The following VPS13A variants were observed in gnomAD, a reference collection of about 807,000 sequenced individuals.
VPS13A encodes the protein intermembrane lipid transfer protein VPS13A.
A neutral mutation model predicts 390.9 loss-of-function variants in VPS13A; 264 were observed. That is an observed-to-expected ratio of 0.68 (90% CI 0.61 to 0.75). The LOEUF (loss-of-function observed/expected upper bound fraction) is 0.75. VPS13A is among the 30% of genes least tolerant of loss of function. The pLI is 0.00. For missense variants in VPS13A, 3,409 were observed against 3,733.9 expected, an observed-to-expected ratio of 0.91 and a Z score of 2.27; for synonymous variants, 1,231 against 1,227.1, an observed-to-expected ratio of 1.00 and a Z score of -0.07.
At chr9:77,353,237 A>T (rs1831568527) in intron 53 of VPS13A, among the ~76,000 whole-genome samples, 172 bp from the exon 54 acceptor site, 1 of 152,080 alleles carries the variant, frequency 6.6e-6, no homozygotes, top group Non-Finnish European at 1.5e-5. Context: ...TGATTTCAAT[A>T]ATGTAAATTT....
intron 34 of VPS13A, among the ~76,000 whole-genome samples, chr9:77,306,401 A>AGAGAGTGTGTGT (rs550279922): frequency 5.6e-5 from 6 of 107,696 alleles, no homozygotes; most frequent in African/African-American, 2.1e-4. Context: ...AGAGAGAGAG[A>AGAGAGTGTGTGT]GTGTGTGTGT....
At chr9:77,365,167 A>T (rs1212641776) in intron 59 of VPS13A, among the ~76,000 whole-genome samples, 1 of 152,216 alleles carries the variant, frequency 6.6e-6, no homozygotes, top group Non-Finnish European at 1.5e-5. Context: ...TACCCAAGAG[A>T]GTGTTGATGG....
At chr9:77,199,838 C>A in intron 1 of VPS13A, 107 bp from the exon 2 acceptor site, 1 of 860,284 alleles carries the variant, frequency 1.2e-6, no homozygotes, top group Non-Finnish European at 1.8e-6. Context: ...CTGTTATGCA[C>A]ATTATTTATA....
At chr9:77,207,335 T>G (rs1240109530) in intron 5 of VPS13A, among the ~76,000 whole-genome samples, 1 of 146,882 alleles carries the variant, frequency 6.8e-6, no homozygotes, top group Non-Finnish European at 1.5e-5. Context: ...CATTACATAT[T>G]TTAAACTCAT....
chr9:77,212,842 G>A, intron 7 of VPS13A, 127 bp from the exon 8 acceptor site: 1 of 946,716 alleles, frequency 1.1e-6, no homozygotes, highest in Non-Finnish European at 1.7e-6. Flanking sequence ...TTTTGATGGA[G>A]TGATATGTCT....
chr9:77,414,122 C>A (rs1835064767), intron 71 of VPS13A, among the ~76,000 whole-genome samples: 1 of 152,194 alleles, frequency 6.6e-6, no homozygotes, highest in Non-Finnish European at 1.5e-5. Context: ...GAAATAGGAA[C>A]ACTTTTATAC....
At chr9:77,399,181 TAAAAAAAAAAAAAA>T (rs1223344360) in intron 68 of VPS13A, among the ~76,000 whole-genome samples, 7 of 35,004 alleles carry the variant, frequency 2.0e-4, no homozygotes, top group East Asian at 8.3e-4. Context: ...AAAAAAAAAA[TAAAAAAAAAAAAAA>T]AAAAAAAAAA....
chr9:77,419,113 C>A lies in VPS13A; in HGVS notation c.*3107C>A, dbSNP rs1217949671. The stretch of plus-strand genomic sequence containing the variant: ...GGATGCTTTCATGGCTCAGCCAACA[C>A]AGTTCAGAGGAATCTTTTCGGCTTC... On this transcript the variant is annotated 3_prime_UTR_variant, in exon 72 of 72. Coordinates refer to ENST00000360280, the MANE Select transcript of VPS13A (RefSeq NM_033305.3). 6.6e-6 allele frequency: 1 copy of A among 152,176 alleles called. No individual in the cohort carries two copies. Among genetic ancestry groups the A allele is most frequent in the Non-Finnish European group, 1.5e-5 (1 of 68,040 alleles). The allele number at this position is 152,176 out of a possible 1,614,324, so 9.4% of individuals were successfully genotyped here. A position where few individuals can be genotyped will look rare whatever the true frequency, so the allele number is the denominator to read the frequency against.
At chr9:77,237,222 G>A (rs1047638641) in intron 17 of VPS13A, among the ~76,000 whole-genome samples, 2 of 151,988 alleles carry the variant, frequency 1.3e-5, no homozygotes, top group African/African-American at 4.8e-5. Context: ...TCTGTTTGCT[G>A]TATGCCCTTA....
intron 69 of VPS13A, among the ~76,000 whole-genome samples, chr9:77,404,671 G>A (rs1024449727): frequency 6.6e-6 from 1 of 152,208 alleles, no homozygotes; most frequent in Non-Finnish European, 1.5e-5. Flanking sequence ...ATGAGGCCAT[G>A]GTGCCTTGAC....
At position 77,394,480 on chromosome 9, in the gene VPS13A, G is replaced by C. The variant is rs143079710; in HGVS notation, c.9190-8756G>C. On this transcript the variant is annotated intron_variant, in intron 68 of 71. Coordinates refer to ENST00000360280, the MANE Select transcript of VPS13A (RefSeq NM_033305.3). ...GCTATTTGGGAGACTGAGGCAAGAG[G>C]ATCCCTTGAACCCAGAACTTCAAGT... 5.3e-4 allele frequency among the ~76,000 whole-genome samples: 80 copies of C among 152,246 alleles called. 1 individual carries two copies. The highest frequency in any genetic ancestry group is 1.1e-3 in the Non-Finnish European group (73 of 68,012).
At chr9:77,239,410 A>T (rs1043205343) in intron 19 of VPS13A, among the ~76,000 whole-genome samples, 4 of 152,032 alleles carry the variant, frequency 2.6e-5, no homozygotes, top group African/African-American at 9.7e-5. Context: ...TAAAAAAAAA[A>T]TAAATTTTAA....
intron 19 of VPS13A, among the ~76,000 whole-genome samples, chr9:77,240,500 A>T: frequency 7.8e-6 from 1 of 128,918 alleles, no homozygotes; most frequent in African/African-American, 3.0e-5. Context: ...TTTTTTTGAC[A>T]GTGTCTTGTT....
chr9:77,207,388 C>T (rs768674466), intron 5 of VPS13A, among the ~76,000 whole-genome samples: 30 of 149,004 alleles, frequency 2.0e-4, no homozygotes, highest in Non-Finnish European at 3.6e-4. Flanking sequence ...TAATATATAA[C>T]GTGTAATATA....
rs1241832980 is a variant in VPS13A, at chr9:77,416,225, C to G, written c.*219C>G. 1 of 494,738 alleles carries G rather than the reference C, an allele frequency of 2.0e-6. No homozygotes were observed. Among genetic ancestry groups the G allele is most frequent in the Non-Finnish European group, 3.7e-6 (1 of 273,626 alleles). 30.6% of individuals were successfully genotyped at this position (494,738 alleles called of 1,614,324 possible). A position where few individuals can be genotyped will look rare whatever the true frequency, so the allele number is the denominator to read the frequency against. ...AAATATTTTAATTCTTCAGCAATTACCCGGTTTTCTAAATTGAATCATGCA... is the reference window on the plus strand; with the variant it reads ...AAATATTTTAATTCTTCAGCAATTAGCCGGTTTTCTAAATTGAATCATGCA... On this transcript the variant is annotated 3_prime_UTR_variant, in exon 72 of 72. Coordinates refer to ENST00000360280, the MANE Select transcript of VPS13A (RefSeq NM_033305.3).
At chr9:77,380,931 A>G (rs1374824671) in intron 67 of VPS13A, among the ~76,000 whole-genome samples, 1 of 152,212 alleles carries the variant, frequency 6.6e-6, no homozygotes, top group East Asian at 1.9e-4. Context: ...CTTGCTTGCC[A>G]CTACTCACCT....
intron 17 of VPS13A, among the ~76,000 whole-genome samples, chr9:77,229,367 C>T (rs1823696571): frequency 6.6e-6 from 1 of 152,190 alleles, no homozygotes; most frequent in South Asian, 2.1e-4. Flanking sequence ...AGGTGTGAGC[C>T]TGGCTCATTC....
intron 3 of VPS13A, among the ~76,000 whole-genome samples, chr9:77,203,511 C>T (rs1403976244): frequency 6.6e-6 from 1 of 152,144 alleles, no homozygotes; most frequent in African/African-American, 2.4e-5. Context: ...TTGTCTTGAA[C>T]TCCTGGACTC....
intron 13 of VPS13A, among the ~76,000 whole-genome samples, chr9:77,225,488 C>T (rs1368779703): frequency 2.0e-5 from 3 of 152,112 alleles, no homozygotes; most frequent in Non-Finnish European, 4.4e-5. Context: ...TCAAGTGATT[C>T]GCCTGCCTCA....
Sources: allele counts gnomAD v4.1 joint callset (sites outside exome capture counted in the v4.1 genomes callset), GRCh38; gene constraint gnomAD v4.1.1; transcripts MANE v1.5; gene names NCBI Gene and HGNC (gene_info 2026-07-23, HGNC 2026-07-21).